The following ACSS2 variants were observed in gnomAD, a reference collection of about 807,000 sequenced individuals.
The protein encoded by ACSS2 is acetyl-coenzyme A synthetase, cytoplasmic.
Under a neutral mutation model 90.6 loss-of-function variants are expected in ACSS2, and 58 were observed. The ratio of observed to expected loss-of-function variants is 0.64; its 90% confidence interval spans 0.52 to 0.80. The LOEUF is 0.80. Ranked by LOEUF, ACSS2 falls within the 30% of genes least tolerant of loss-of-function variation. ACSS2 has a pLI of 0.00. For missense variants in ACSS2, 759 were observed against 912.0 expected, an observed-to-expected ratio of 0.83 and a Z score of 2.16; for synonymous variants, 300 against 330.9, an observed-to-expected ratio of 0.91 and a Z score of 1.01.
chr20:34,926,973 G>A, intron 17 of ACSS2, 22 bp downstream of exon 17: 1 of 1,614,158 alleles, frequency 6.2e-7, no homozygotes, highest in Admixed American at 1.7e-5. Context: ...GGCCTCCATG[G>A]ATTGGGATGG....
intron 8 of ACSS2, among the ~76,000 whole-genome samples, chr20:34,920,262 T>G (rs1355616189): frequency 6.6e-6 from 1 of 152,080 alleles, no homozygotes; most frequent in African/African-American, 2.4e-5. Flanking sequence ...GTGCTATGAG[T>G]GCTCATGTGT....
intron 2 of ACSS2, among the ~76,000 whole-genome samples, chr20:34,898,863 CG>C (rs910045407): frequency 3.6e-4 from 46 of 129,552 alleles, no homozygotes; most frequent in African/African-American, 1.1e-3. Flanking sequence ...CGGTGCTCGT[CG>C]GGGGGGCTCG....
At chr20:34,920,516 C>A in intron 8 of ACSS2, 23 bp from the exon 9 acceptor site, 5 of 1,611,352 alleles carry the variant, frequency 3.1e-6, no homozygotes, top group Non-Finnish European at 4.2e-6. Context: ...AAGACCCTAA[C>A]CTGTTCCCCA....
rs114973052 is a variant in ACSS2 at position 34,923,386 on chromosome 20, A to T, written c.1612A>T (p.Thr538Ser). The change falls in exon 14 of 18, where the codon ACA (threonine) becomes TCA (serine). Residue 538 changes from threonine (T) to serine (S), a missense_variant. By Grantham distance (58) the Thr-to-Ser change is moderately conservative. Transcript: ENST00000360596. ...CTATGGGAACCACGAACGCTTTGAG[A>T]CAACCTACTTTAAGAAGTTTCCTGG... The part of the protein sequence containing the change: ...TVYGNHERFE[T>S]TYFKKFPGYY... The T allele has an allele frequency of 5.0e-6, 8 of 1,614,196 alleles. No individual in the cohort carries two copies. Among genetic ancestry groups the T allele is most frequent in the Middle Eastern group, 1.6e-4 (1 of 6,062 alleles).
intron 1 of ACSS2, among the ~76,000 whole-genome samples, chr20:34,882,378 C>A (rs1162044015): frequency 6.6e-6 from 1 of 152,150 alleles, no homozygotes; most frequent in Non-Finnish European, 1.5e-5. Context: ...AATCCCAGCA[C>A]TTTGGGAGTC....
At position 34,882,866 on chromosome 20, in the gene ACSS2, T is replaced by C; in HGVS notation, c.251T>C (p.Phe84Ser). The stretch of plus-strand genomic sequence containing the variant: ...CCTGGCCCATTCCTTCGGTACAACT[T>C]TGATGTGACTAAAGGGAAAATCTTC... ...PCPGPFLRYN[F>S]DVTKGKIFIE... The change falls in exon 2 of 18, where the codon TTT (phenylalanine) becomes TCT (serine). Residue 84 changes from phenylalanine (F) to serine (S), a missense_variant. By Grantham distance (155) the Phe-to-Ser change is radical (BLOSUM62 -2). Transcript: ENST00000360596. 1 of 1,613,960 alleles carries C rather than the reference T, an allele frequency of 6.2e-7. No homozygotes were observed. The highest frequency in any genetic ancestry group is 1.1e-5 in the South Asian group (1 of 91,002).
At chr20:34,924,945 C>T (rs1186791789) in intron 14 of ACSS2, among the ~76,000 whole-genome samples, 2 of 151,858 alleles carry the variant, frequency 1.3e-5, no homozygotes, top group Admixed American at 1.3e-4. Context: ...CCACCTTGGC[C>T]TCCCAAAGTG....
At chr20:34,894,109 T>G (rs1057425100) in intron 2 of ACSS2, among the ~76,000 whole-genome samples, 4 of 152,184 alleles carry the variant, frequency 2.6e-5, no homozygotes, top group Non-Finnish European at 4.4e-5. Flanking sequence ...AAAGGAGCAG[T>G]CACAGAGGGT....
chr20:34,887,602 G>A (rs993022345), intron 2 of ACSS2, among the ~76,000 whole-genome samples: 1 of 152,128 alleles, frequency 6.6e-6, no homozygotes, highest in African/African-American at 2.4e-5. Context: ...TCAGCTGGAT[G>A]TGGTGGCAGG....
chr20:34,925,756 C>T lies in ACSS2; in HGVS notation c.1716C>T (p.Leu572=), dbSNP rs371948599. The stretch of plus-strand genomic sequence containing the variant: ...TCACTGGCAGGATTGATGACATGCT[C>T]AATGTATCTGGTGAGGGCCAGGGGC... ...YWITGRIDDM[L]NVSGHLLSTA... The change falls in exon 15 of 18, where the codon CTC becomes CTT. Residue 572 remains leucine, a synonymous_variant. Coordinates refer to ENST00000360596, the MANE Select transcript of ACSS2 (RefSeq NM_018677.4). The T allele has an allele frequency of 3.1e-6, 5 of 1,613,198 alleles. No homozygotes were observed. Among genetic ancestry groups the T allele is most frequent in the Non-Finnish European group, 4.2e-6 (5 of 1,179,694 alleles).
At chr20:34,894,616 G>A (rs1404821828) in intron 2 of ACSS2, among the ~76,000 whole-genome samples, 1 of 152,158 alleles carries the variant, frequency 6.6e-6, no homozygotes, top group Non-Finnish European at 1.5e-5. Context: ...AGTGAGCGGT[G>A]ATCGTGCTAC....
At chr20:34,925,553 C>T in intron 14 of ACSS2, 145 bp from the exon 15 acceptor site, 1 of 777,840 alleles carries the variant, frequency 1.3e-6, no homozygotes, top group South Asian at 1.7e-5. Flanking sequence ...GTGGTGCCCT[C>T]TTGGAGGCTG....
chr20:34,898,206 G>A (rs996603857), intron 2 of ACSS2, among the ~76,000 whole-genome samples: 3 of 152,172 alleles, frequency 2.0e-5, no homozygotes, highest in African/African-American at 7.2e-5. Context: ...AGCTTCCACA[G>A]TGTGGAAGGG....
rs1382416457 is a variant in ACSS2, at chr20:34,927,006, G to A, written c.1978+55G>A. On this transcript the variant is annotated intron_variant, in intron 17 of 17. Coordinates refer to ENST00000360596, the MANE Select transcript of ACSS2 (RefSeq NM_018677.4). This position sits in a 1 kb window ranked among gnomAD's most constrained non-coding sequence, Gnocchi z 4.2. ...TGGGCTGAGGCCTGGTGGTGGTGGG[G>A]TGTGCGTGGATGAAAGCCTTTGGCA... The A allele has an allele frequency of 1.9e-6, 3 of 1,613,950 alleles. No individual in the cohort carries two copies. The highest frequency in any genetic ancestry group is 2.7e-5 in the African/African-American group (2 of 74,922).
intron 2 of ACSS2, among the ~76,000 whole-genome samples, chr20:34,896,350 C>T (rs1202851894): frequency 6.6e-6 from 1 of 152,196 alleles, no homozygotes; most frequent in African/African-American, 2.4e-5. Flanking sequence ...CAGACTGAGC[C>T]CACTGTAGGA....
At chr20:34,875,672 A>G (rs1019289222), upstream of ACSS2, among the ~76,000 whole-genome samples, 6 of 152,254 alleles carry the variant, frequency 3.9e-5, no homozygotes, top group South Asian at 2.1e-4. Flanking sequence ...ACGAGGAAGT[A>G]AAACCAAATC....
intron 12 of ACSS2, 57 bp downstream of exon 12, chr20:34,921,657 C>G: frequency 6.2e-7 from 1 of 1,613,336 alleles, no homozygotes; most frequent in South Asian, 1.1e-5. Flanking sequence ...TCTTGGGGCA[C>G]TTGGCCTAGT....
intron 2 of ACSS2, among the ~76,000 whole-genome samples, chr20:34,899,583 G>A (rs923590903): frequency 1.1e-4 from 16 of 150,888 alleles, no homozygotes; most frequent in Non-Finnish European, 1.5e-5. Flanking sequence ...TCCGCCTCCC[G>A]GGTTCAAGCG....
At chr20:34,925,981 C>G (rs2081310234) in intron 15 of ACSS2, 124 bp from the exon 16 acceptor site, 1 of 1,097,508 alleles carries the variant, frequency 9.1e-7, no homozygotes, top group African/African-American at 1.6e-5. Context: ...AGCATGTCAT[C>G]TGAGGAGTGA....
Sources: allele counts gnomAD v4.1 joint callset (sites outside exome capture counted in the v4.1 genomes callset), GRCh38; gene constraint gnomAD v4.1.1; non-coding constraint Gnocchi (gnomAD v3.1); transcripts MANE v1.5; gene names NCBI Gene and HGNC (gene_info 2026-07-23, HGNC 2026-07-21).